The following IGFL2 variants were observed in gnomAD, a reference collection of about 807,000 sequenced individuals.
IGFL2 encodes insulin growth factor-like family member 2.
In IGFL2, 7 loss-of-function variants were observed where a neutral mutation model predicts 13.9. That is an observed-to-expected ratio of 0.51 (90% CI 0.29 to 0.95). IGFL2 has a LOEUF of 0.95. IGFL2 is among the 40% of genes least tolerant of loss of function. IGFL2 has a pLI of 0.08. For missense variants in IGFL2, 138 were observed against 147.8 expected, an observed-to-expected ratio of 0.93 and a Z score of 0.34; for synonymous variants, 55 against 55.8, an observed-to-expected ratio of 0.99 and a Z score of 0.07.
the IGFL2 span, among the ~76,000 whole-genome samples, chr19:46,080,134 C>T: frequency 3.9e-5 from 6 of 152,150 alleles, no homozygotes; most frequent in African/African-American, 7.2e-5. Flanking sequence ...ATACTTAAAG[C>T]CATTTTAAAT....
At chr19:46,211,100 C>G in the IGFL2 span, among the ~76,000 whole-genome samples, 1 of 152,206 alleles carries the variant, frequency 6.6e-6, no homozygotes, top group African/African-American at 2.4e-5. Context: ...AGAAATGGCA[C>G]CTGAATCTTG....
At chr19:46,121,751 A>C in the IGFL2 span, among the ~76,000 whole-genome samples, 3 of 150,910 alleles carry the variant, frequency 2.0e-5, no homozygotes, top group Non-Finnish European at 4.4e-5. Context: ...AAACGTAGAA[A>C]AATTGTTGCA....
At chr19:46,214,019 G>A in the IGFL2 span, 1 of 152,560 alleles carries the variant, frequency 6.6e-6, no homozygotes, top group African/African-American at 2.4e-5. Flanking sequence ...CGTGCGCCGA[G>A]TGGCCTTGCT....
At chr19:46,205,860 G>A in the IGFL2 span, among the ~76,000 whole-genome samples, 2 of 152,174 alleles carry the variant, frequency 1.3e-5, no homozygotes, top group Non-Finnish European at 2.9e-5. Flanking sequence ...GGGCTATGGT[G>A]AGGGTTGCTG....
the IGFL2 span, among the ~76,000 whole-genome samples, chr19:46,172,908 G>C: frequency 2.0e-5 from 3 of 152,072 alleles, no homozygotes; most frequent in Admixed American, 6.6e-5. Context: ...TATTAACTGA[G>C]TCCTCTGCTT....
chr19:46,151,861 A>G (rs1449415555), intron 1 of IGFL2, among the ~76,000 whole-genome samples: 2 of 152,170 alleles, frequency 1.3e-5, no homozygotes, highest in African/African-American at 4.8e-5. Context: ...GCAGTGAGTC[A>G]TGATCACGCC....
intron 1 of IGFL2, among the ~76,000 whole-genome samples, chr19:46,150,866 T>A (rs1378955596): frequency 6.6e-6 from 1 of 152,178 alleles, no homozygotes; most frequent in Non-Finnish European, 1.5e-5. Context: ...GATGTCTCAC[T>A]GTGTTGCCCA....
chr19:46,179,158 T>C, the IGFL2 span, among the ~76,000 whole-genome samples: 1 of 148,112 alleles, frequency 6.8e-6, no homozygotes, highest in African/African-American at 2.5e-5. Flanking sequence ...TGGGCAGAAC[T>C]AGTTGTGGGG....
At chr19:46,104,134 T>C in the IGFL2 span, among the ~76,000 whole-genome samples, 1 of 152,196 alleles carries the variant, frequency 6.6e-6, no homozygotes, top group African/African-American at 2.4e-5. Context: ...CTGTCTAGCC[T>C]GCTGGAAGAC....
upstream of IGFL2, among the ~76,000 whole-genome samples, chr19:46,139,274 C>T (rs1053454628): frequency 6.6e-6 from 1 of 150,892 alleles, no homozygotes. Context: ...TGGTCAGTCC[C>T]TTGGTGGGAG....
the IGFL2 span, among the ~76,000 whole-genome samples, chr19:46,205,409 A>G: frequency 3.3e-5 from 5 of 152,136 alleles, no homozygotes; most frequent in African/African-American, 9.7e-5. Context: ...AGCAGATAAC[A>G]TGGCATCCAC....
upstream of IGFL2, among the ~76,000 whole-genome samples, chr19:46,142,522 C>T (rs2146807673): frequency 6.6e-6 from 1 of 152,210 alleles, no homozygotes; most frequent in African/African-American, 2.4e-5. Flanking sequence ...ATTATCTATT[C>T]CTTCTGCAAT....
chr19:46,188,840 G>T, the IGFL2 span, among the ~76,000 whole-genome samples: 2 of 152,146 alleles, frequency 1.3e-5, no homozygotes, highest in African/African-American at 2.4e-5. Flanking sequence ...TTAGCAACTC[G>T]GACAGAGCCC....
At chr19:46,092,865 C>T in the IGFL2 span, among the ~76,000 whole-genome samples, 1 of 152,076 alleles carries the variant, frequency 6.6e-6, no homozygotes, top group Non-Finnish European at 1.5e-5. Context: ...TTTAAAAGGG[C>T]ATACTGTCTC....
chr19:46,171,005 T>C, the IGFL2 span, among the ~76,000 whole-genome samples: 2 of 152,102 alleles, frequency 1.3e-5, no homozygotes, highest in Non-Finnish European at 2.9e-5. Context: ...CCACACCCTA[T>C]TCGTACACTC....
the IGFL2 span, chr19:46,113,912 C>CT: frequency 6.5e-6 from 1 of 153,130 alleles, no homozygotes; most frequent in African/African-American, 2.4e-5. Context: ...GGCTGTATTT[C>CT]TTAGAGATGA....
At chr19:46,159,262 G>A (rs942278674) in intron 1 of IGFL2, 30 of 152,174 alleles carry the variant, frequency 2.0e-4, no homozygotes, top group African/African-American at 6.5e-4. Context: ...AACTTCTAAG[G>A]ATACAGTGCC....
the IGFL2 span, among the ~76,000 whole-genome samples, chr19:46,116,356 C>T: frequency 2.6e-5 from 4 of 152,204 alleles, no homozygotes; most frequent in South Asian, 6.2e-4. Context: ...TGTAAAAATG[C>T]TGTGAGTTTA....
At chr19:46,166,949 C>T in the IGFL2 span, among the ~76,000 whole-genome samples, 3 of 152,050 alleles carry the variant, frequency 2.0e-5, no homozygotes, top group Non-Finnish European at 4.4e-5. Flanking sequence ...GTAGTTAACA[C>T]AATTATTACA....
Sources: allele counts gnomAD v4.1 joint callset (sites outside exome capture counted in the v4.1 genomes callset), GRCh38; gene constraint gnomAD v4.1.1; transcripts MANE v1.5; gene names NCBI Gene and HGNC (gene_info 2026-07-23, HGNC 2026-07-21).